The following KCNIP4 variants were observed in gnomAD, a reference collection of about 807,000 sequenced individuals.
KCNIP4 encodes potassium voltage-gated channel interacting protein 4.
In KCNIP4, 12 loss-of-function variants were observed where a neutral mutation model predicts 34.0. The observed-to-expected ratio is 0.35, with a 90% CI of 0.23 to 0.57. KCNIP4 has a LOEUF of 0.57. Among genes scored for constraint, KCNIP4 ranks in the 20% least tolerant of loss-of-function variants. The probability of loss-of-function intolerance (pLI) is 0.83; values close to 1 mark genes in which losing one functional copy is unlikely to be tolerated. For synonymous variants in KCNIP4, 124 were observed against 102.2 expected (o/e 1.21, Z -1.29); for missense variants, 238 against 311.7 (o/e 0.76, Z 1.78).
chr4:21,736,909 T>C (rs1480559463), intron 1 of KCNIP4, among the ~76,000 whole-genome samples: 2 of 152,196 alleles, frequency 1.3e-5, no homozygotes. Context: ...CTTTTGGTTT[T>C]CTTGACTTTG....
At chr4:21,630,455 CAAA>C (rs11326754) in intron 1 of KCNIP4, among the ~76,000 whole-genome samples, 14 of 140,476 alleles carry the variant, frequency 1.0e-4, no homozygotes, top group Non-Finnish European at 9.4e-5. Context: ...GAGATTCCAT[CAAA>C]AAAAAAAAAA....
chr4:20,743,494 A>G (rs1217077197), intron 5 of KCNIP4, among the ~76,000 whole-genome samples: 3 of 152,218 alleles, frequency 2.0e-5, no homozygotes, highest in Non-Finnish European at 4.4e-5. Flanking sequence ...ATCTTTGACA[A>G]ACCTGACAGA....
intron 1 of KCNIP4, among the ~76,000 whole-genome samples, chr4:21,345,714 G>A (rs1872456): frequency 6.6e-6 from 1 of 151,980 alleles, no homozygotes; most frequent in African/African-American, 2.4e-5. Flanking sequence ...TGCTGAACTT[G>A]TTCCCATTTT....
chr4:21,556,937 A>C (rs1279743592), intron 1 of KCNIP4, among the ~76,000 whole-genome samples: 2 of 149,574 alleles, frequency 1.3e-5, no homozygotes, highest in South Asian at 2.1e-4. Context: ...AAAAAAAAAA[A>C]AAAAAACCAG....
chr4:21,319,275 G>C (rs1310149533), intron 1 of KCNIP4, among the ~76,000 whole-genome samples: 3 of 152,128 alleles, frequency 2.0e-5, no homozygotes, highest in Admixed American at 1.3e-4. Context: ...ACAGGTACTT[G>C]GACAAATCAT....
intron 1 of KCNIP4, among the ~76,000 whole-genome samples, chr4:21,455,253 G>A (rs939376106): frequency 6.6e-6 from 1 of 152,004 alleles, no homozygotes; most frequent in Non-Finnish European, 1.5e-5. Flanking sequence ...GCTGTCCAGG[G>A]CCCAACACTG....
intron 1 of KCNIP4, among the ~76,000 whole-genome samples, chr4:20,980,397 T>A (rs1201355489): frequency 6.6e-6 from 1 of 152,212 alleles, no homozygotes; most frequent in Admixed American, 6.5e-5. Context: ...AAATTTCAAA[T>A]CCCTATAGTA....
intron 1 of KCNIP4, among the ~76,000 whole-genome samples, chr4:21,237,980 A>G (rs1360816506): frequency 1.3e-5 from 2 of 152,188 alleles, no homozygotes; most frequent in South Asian, 2.1e-4. Context: ...AAAATCCTCA[A>G]TAAAATACTG....
chr4:21,660,783 G>A (rs1748388558), intron 1 of KCNIP4, among the ~76,000 whole-genome samples: 1 of 152,124 alleles, frequency 6.6e-6, no homozygotes, highest in Non-Finnish European at 1.5e-5. Flanking sequence ...GGTGGTTGTA[G>A]TGATGACAGT....
intron 1 of KCNIP4, among the ~76,000 whole-genome samples, chr4:21,124,712 AG>A (rs1246961611): frequency 6.6e-6 from 1 of 152,180 alleles, no homozygotes; most frequent in East Asian, 1.9e-4. Flanking sequence ...CTAGCAAAAA[AG>A]TCCAGGGCTA....
At position 21,580,007 on chromosome 4, in the gene KCNIP4, A is replaced by C. The variant is rs950149056; in HGVS notation, c.61+368564T>G. On this transcript the variant is annotated intron_variant, in intron 1 of 8. Coordinates refer to ENST00000382152, the MANE Select transcript of KCNIP4 (RefSeq NM_025221.6). ...GACCTTAACTACAGCTAAATATATA[A>C]TTTCCAGTTGTAATATAGGTGCCCA... Among the ~76,000 whole-genome samples the C allele has an allele frequency of 2.6e-5, 4 of 152,248 alleles. No homozygotes were observed. The Middle Eastern group carries it at 0.014, about 518-fold the overall frequency.
intron 1 of KCNIP4, among the ~76,000 whole-genome samples, chr4:21,783,741 G>T (rs10019221): frequency 0.47 from 70,824 of 151,822 alleles, 18,527 homozygotes; most frequent in Non-Finnish European, 0.6. Context: ...AGAAAGATGA[G>T]AATATTATAA....
intron 1 of KCNIP4, among the ~76,000 whole-genome samples, chr4:21,470,344 AAG>A (rs1730354348): frequency 6.6e-6 from 1 of 152,172 alleles, no homozygotes; most frequent in Non-Finnish European, 1.5e-5. Context: ...GAAGAAAGGA[AAG>A]AGAGAAGCAA....
intron 1 of KCNIP4, among the ~76,000 whole-genome samples, chr4:21,531,323 TCCTC>T (rs1466995473): frequency 9.8e-5 from 13 of 133,310 alleles, no homozygotes; most frequent in South Asian, 2.9e-4. Context: ...CTTCCTTCCT[TCCTC>T]CCTCCCTCCC....
At chr4:21,943,268 G>T (rs1006511371) in intron 1 of KCNIP4, among the ~76,000 whole-genome samples, 2 of 152,214 alleles carry the variant, frequency 1.3e-5, no homozygotes, top group Non-Finnish European at 2.9e-5. Context: ...ATAATTATTT[G>T]GGGAGGAGTC....
At chr4:21,925,327 T>C (rs1397315683) in intron 1 of KCNIP4, among the ~76,000 whole-genome samples, 1 of 149,954 alleles carries the variant, frequency 6.7e-6, no homozygotes, top group Non-Finnish European at 1.5e-5. Flanking sequence ...AGTGAGAACA[T>C]GTGGTGTTTG....
chr4:21,572,437 G>C (rs1369010169), intron 1 of KCNIP4, among the ~76,000 whole-genome samples: 1 of 151,948 alleles, frequency 6.6e-6, no homozygotes, highest in South Asian at 2.1e-4. Flanking sequence ...CTCTTATAAA[G>C]GATATCATGT....
rs1299372951 is a variant in KCNIP4, at chr4:20,728,828, C to CTGTAGCCTCTTGGTCT, written c.*1238_*1253dup. ...AAAGACAGTTGCAAATTTCCTCCTT[C>CTGTAGCCTCTTGGTCT]TGTAGCCTCTTGGTCTTTGTGATAT... On this transcript the variant is annotated 3_prime_UTR_variant, in exon 9 of 9. Coordinates refer to ENST00000382152, the MANE Select transcript of KCNIP4 (RefSeq NM_025221.6). 6.6e-6 allele frequency: 1 copy of CTGTAGCCTCTTGGTCT among 152,522 alleles called. No individual in the cohort carries two copies. The highest frequency in any genetic ancestry group is 2.4e-5 in the African/African-American group (1 of 41,438). 9.4% of individuals were successfully genotyped at this position (152,522 alleles called of 1,614,324 possible). A position where few individuals can be genotyped will look rare whatever the true frequency, so the allele number is the denominator to read the frequency against.
In KCNIP4 at chr4:20,969,564, G is replaced by C. The variant is rs76238435; in HGVS notation, c.62-86855C>G. Among the ~76,000 whole-genome samples, 190 of 152,132 alleles carry C rather than the reference G, an allele frequency of 1.2e-3. 4 individuals are homozygous for C. In the East Asian group the frequency reaches 0.032, roughly 26 times the overall value. On this transcript the variant is annotated intron_variant, in intron 1 of 8. Transcript: ENST00000382152. ...ATTTGCTGCGTGTGTGTTTGTGTGT[G>C]TGTGTGTGTGTGTGAAAAGACCTGA...
Sources: allele counts gnomAD v4.1 joint callset (sites outside exome capture counted in the v4.1 genomes callset), GRCh38; gene constraint gnomAD v4.1.1; transcripts MANE v1.5; gene names NCBI Gene and HGNC (gene_info 2026-07-23, HGNC 2026-07-21).